The following PITPNM2 variants were observed in gnomAD, a reference collection of about 807,000 sequenced individuals.
The protein encoded by PITPNM2 is phosphatidylinositol transfer protein membrane associated 2.
A neutral mutation model predicts 132.2 loss-of-function variants in PITPNM2; 35 were observed. The observed-to-expected ratio is 0.26, with a 90% confidence interval of 0.20 to 0.35. The LOEUF (loss-of-function observed/expected upper bound fraction) is 0.35. PITPNM2 is among the 10% of genes least tolerant of loss of function. The pLI is 1.00. For synonymous variants in PITPNM2, 738 were observed against 799.2 expected (o/e 0.92, Z 1.29); for missense variants, 1,332 against 1,912.0 (o/e 0.70, Z 5.66).
Position 123,108,678 on chromosome 12 carries a change from C to T in PITPNM2, c.-96+1707G>A, listed in dbSNP as rs1566297132. On this transcript the variant is annotated intron_variant, in intron 2 of 25. Transcript: ENST00000320201. The surrounding 1 kb of genome is among the most constrained non-coding windows in gnomAD (Gnocchi z 4.4). ...CAAAAAATACAACATAGCACTCTCT[C>T]TTCTTAGCACTTGGAGGCCTTTTCA... 6.6e-6 allele frequency among the ~76,000 whole-genome samples: 1 copy of T among 152,204 alleles called. No homozygotes were observed. Among genetic ancestry groups the T allele is most frequent in the Non-Finnish European group, 1.5e-5 (1 of 68,036 alleles).
chr12:123,067,760 G>A (rs1001543395), intron 2 of PITPNM2, among the ~76,000 whole-genome samples: 1 of 152,198 alleles, frequency 6.6e-6, no homozygotes, highest in Non-Finnish European at 1.5e-5. Context: ...ATTTGTGACG[G>A]CAGCCCCAGG....
In PITPNM2 at chr12:123,000,966, G is replaced by T; in HGVS notation, c.1153+88C>A. The T allele has an allele frequency of 6.5e-7, 1 of 1,527,308 alleles. No individual in the cohort carries two copies. Among genetic ancestry groups the T allele is most frequent in the Non-Finnish European group, 9.1e-7 (1 of 1,102,196 alleles). The allele number at this position is 1,527,308 out of a possible 1,614,324, so 94.6% of individuals were successfully genotyped here. ...GGTCCCCAACTCACATGTATGCCCA[G>T]CACTGTGCAGAAGCTGGTCAGAAAG... On this transcript the variant is annotated intron_variant, in intron 9 of 25. Transcript: ENST00000320201. The surrounding 1 kb of genome is among the most constrained non-coding windows in gnomAD (Gnocchi z 5.4).
intron 1 of PITPNM2, among the ~76,000 whole-genome samples, chr12:123,134,746 G>T (rs564946852): frequency 1.2e-4 from 19 of 152,248 alleles, no homozygotes; most frequent in African/African-American, 4.1e-4. Context: ...GTTGTGTGGT[G>T]AACTGTCAAA....
chr12:123,030,548 C>T (rs530796324), intron 3 of PITPNM2, among the ~76,000 whole-genome samples: 1 of 152,162 alleles, frequency 6.6e-6, no homozygotes, highest in African/African-American at 2.4e-5. Context: ...AAAAAATTAG[C>T]CAGGGGTGGT....
intron 2 of PITPNM2, among the ~76,000 whole-genome samples, chr12:123,054,264 A>G (rs2040950991): frequency 6.6e-6 from 1 of 151,886 alleles, no homozygotes; most frequent in Non-Finnish European, 1.5e-5. Context: ...AATCTTGGCT[A>G]TTGTTTCCTT....
intron 5 of PITPNM2, among the ~76,000 whole-genome samples, chr12:123,011,549 T>C (rs2039204161): frequency 6.6e-6 from 1 of 152,198 alleles, no homozygotes; most frequent in South Asian, 2.1e-4. Flanking sequence ...TGCCTCAGAA[T>C]GTGATCTTAT....
intron 1 of PITPNM2, among the ~76,000 whole-genome samples, chr12:123,112,023 G>A (rs536502260): frequency 1.3e-4 from 20 of 152,294 alleles, no homozygotes; most frequent in Middle Eastern, 3.4e-3. Flanking sequence ...AATGCTTCTC[G>A]GCGGGTGAGA....
At chr12:123,039,350 A>G (rs2040381134) in intron 2 of PITPNM2, among the ~76,000 whole-genome samples, 1 of 152,220 alleles carries the variant, frequency 6.6e-6, no homozygotes, top group African/African-American at 2.4e-5. Flanking sequence ...AAAATGAGGT[A>G]ATAAATGGAG....
chr12:123,142,382 T>C (rs988660738), intron 1 of PITPNM2, among the ~76,000 whole-genome samples: 1 of 152,232 alleles, frequency 6.6e-6, no homozygotes, highest in African/African-American at 2.4e-5. Flanking sequence ...TTCAGCGTAT[T>C]GGAAAATGTC....
intron 3 of PITPNM2, among the ~76,000 whole-genome samples, chr12:123,014,275 T>A (rs1261274543): frequency 6.6e-6 from 1 of 152,226 alleles, no homozygotes; most frequent in Non-Finnish European, 1.5e-5. Context: ...ACACAAGTCC[T>A]ATATTCTGAC....
intron 2 of PITPNM2, among the ~76,000 whole-genome samples, chr12:123,054,400 A>G (rs1172290909): frequency 2.6e-5 from 4 of 152,172 alleles, no homozygotes; most frequent in Non-Finnish European, 5.9e-5. Flanking sequence ...AGATTTAGGG[A>G]TTTGGAGCAT....
At position 123,005,539 on chromosome 12, in the gene PITPNM2, C is replaced by T. The variant is rs1460017611; in HGVS notation, c.653G>A (p.Arg218Lys). The T allele has an allele frequency of 6.2e-7, 1 of 1,612,910 alleles. No individual in the cohort carries two copies. The highest frequency in any genetic ancestry group is 1.3e-5 in the African/African-American group (1 of 75,034). ...ERFIHDTGLR[R>K]VMVRAHRQAW... ...CTGCCGGTGAGCCCGCACCATCACC[C>T]TCCGTAGTCCTGTGCCCCATGGGGA... The change falls in exon 7 of 26, where the codon AGG becomes AAG. Residue 218 changes from arginine to lysine, a missense_variant. By Grantham distance (26) the Arg-to-Lys change is conservative (BLOSUM62 2). Coordinates refer to ENST00000320201, the MANE Select transcript of PITPNM2 (RefSeq NM_020845.3). The surrounding 1 kb of genome is among the most constrained non-coding windows in gnomAD (Gnocchi z 6.2).
At chr12:123,102,409 T>C (rs781436110) in intron 2 of PITPNM2, among the ~76,000 whole-genome samples, 2 of 152,182 alleles carry the variant, frequency 1.3e-5, no homozygotes, top group Non-Finnish European at 2.9e-5. Context: ...CATACACCAA[T>C]CAATGGAAGT....
chr12:123,025,083 A>C (rs894383507), intron 3 of PITPNM2, among the ~76,000 whole-genome samples: 2 of 152,158 alleles, frequency 1.3e-5, no homozygotes, highest in African/African-American at 4.8e-5. Context: ...CCAAAAGCTC[A>C]GTTTTCTGCT....
intron 2 of PITPNM2, among the ~76,000 whole-genome samples, chr12:123,052,522 A>G (rs556063009): frequency 1.5e-3 from 234 of 152,268 alleles, no homozygotes; most frequent in African/African-American, 5.2e-3. Context: ...TGGGAAGCTG[A>G]GGTTGGAAGC....
At chr12:123,080,661 C>T (rs966712510) in intron 2 of PITPNM2, among the ~76,000 whole-genome samples, 2 of 152,230 alleles carry the variant, frequency 1.3e-5, no homozygotes, top group African/African-American at 4.8e-5. Context: ...GTCAGCTGGG[C>T]AGGGAGACAC....
rs1240845074 is a variant in PITPNM2 at position 123,023,911 on chromosome 12, T to C, written c.79-9869A>G. Among the ~76,000 whole-genome samples the C allele has an allele frequency of 1.3e-5, 2 of 152,106 alleles. No individual in the cohort carries two copies. Among genetic ancestry groups the C allele is most frequent in the Non-Finnish European group, 2.9e-5 (2 of 68,028 alleles). On this transcript the variant is annotated intron_variant, in intron 3 of 25. Transcript: ENST00000320201. This position sits in a 1 kb window ranked among gnomAD's most constrained non-coding sequence, Gnocchi z 4.8. ...TATAGTAACTTATATCCAAAATATA[T>C]ACAGAACTCCTCCAATGCAACAACA... is the stretch of plus-strand genomic sequence containing the variant.
chr12:123,114,364 G>A (rs1254109777), intron 1 of PITPNM2, among the ~76,000 whole-genome samples: 1 of 151,568 alleles, frequency 6.6e-6, no homozygotes, highest in Non-Finnish European at 1.5e-5. Context: ...CCAGTTCCCT[G>A]CCCAAAGGCA....
chr12:123,068,269 C>T (rs1362561042), intron 2 of PITPNM2, among the ~76,000 whole-genome samples: 2 of 152,062 alleles, frequency 1.3e-5, no homozygotes, highest in East Asian at 1.9e-4. Context: ...AGATCGAGAA[C>T]ATCCTGGCTA....
Sources: gnomAD v4.1 joint callset for allele counts (sites outside exome capture counted in the v4.1 genomes callset) on GRCh38, gnomAD v4.1.1 for gene constraint, Gnocchi (gnomAD v3.1) non-coding constraint, MANE v1.5 for transcripts, NCBI Gene and HGNC (gene_info 2026-07-23, HGNC 2026-07-21) for gene names.